PLXNB3: variants seen among roughly 807,000 people sequenced by gnomAD.
PLXNB3 encodes plexin B3, also known as plexin-B3.
In PLXNB3, 80 loss-of-function variants were observed where a neutral mutation model predicts 125.7. That is an observed-to-expected ratio of 0.64 (90% CI 0.53 to 0.77). The LOEUF is 0.77. PLXNB3 is among the 30% of genes least tolerant of loss of function. PLXNB3 has a pLI of 0.00. For synonymous variants in PLXNB3, 954 were observed against 783.3 expected (o/e 1.22, Z -3.64); for missense variants, 1,836 against 1,729.3 (o/e 1.06, Z -1.09).
intron 17 of PLXNB3, 90 bp downstream of exon 17, chrX:153,773,106 A>G: frequency 9.3e-7 from 1 of 1,072,416 alleles, no homozygotes; most frequent in Non-Finnish European, 1.2e-6. Flanking sequence ...TGCTGTGGCC[A>G]CCCCCAGTGG....
intron 7 of PLXNB3, 53 bp downstream of exon 7, chrX:153,769,992 G>T (rs971705857): frequency 2.5e-6 from 3 of 1,190,855 alleles, no homozygotes; most frequent in Non-Finnish European, 3.4e-6. Flanking sequence ...ACTGCCTGGA[G>T]CATGAACCCC....
chrX:153,767,527 T>C lies in PLXNB3; in HGVS notation c.700T>C (p.Tyr234His). 1.7e-6 allele frequency: 2 copies of C among 1,177,110 alleles called. No individual in the cohort carries two copies. The highest frequency in any genetic ancestry group is 2.3e-6 in the Non-Finnish European group (2 of 878,361). Residue 234 changes from tyrosine to histidine, a missense_variant, in exon 3 of 36, where the codon TAC becomes CAC. Physicochemically the swap from Tyr to His is moderately conservative, Grantham distance 83. Coordinates refer to ENST00000361971, the MANE Select transcript of PLXNB3 (RefSeq NM_005393.3). ...VGDFSDYNNSYVGAFADARSA... is the reference protein window; with the variant it reads ...VGDFSDYNNSHVGAFADARSA... ...CGACTTCTCCGACTACAACAACAGC[T>C]ACGTCGGGGCCTTTGCCGACGCCCG...
rs1557061866 is a variant in PLXNB3, at chrX:153,771,514, C to T, written c.2376C>T (p.His792=). Residue 792 remains histidine, a synonymous_variant, in exon 14 of 36, where the codon CAC becomes CAT. Coordinates refer to ENST00000361971, the MANE Select transcript of PLXNB3 (RefSeq NM_005393.3). ...TCCTGTACGACTGCGCCATGGGCCA[C>T]CCGGACTGCAGCCACTGCCAAGCGG... is the stretch of plus-strand genomic sequence containing the variant. The part of the protein sequence containing the change: ...YVILYDCAMG[H]PDCSHCQAAN... 1 of 1,205,821 alleles carries T rather than the reference C, an allele frequency of 8.3e-7. No homozygotes were observed. Among genetic ancestry groups the T allele is most frequent in the South Asian group, 1.8e-5 (1 of 56,151 alleles).
At chrX:153,769,641 G>A (rs1381892763) in intron 6 of PLXNB3, among the ~76,000 whole-genome samples, 166 bp from the exon 7 acceptor site, 1 of 112,974 alleles carries the variant, frequency 8.9e-6, no homozygotes, top group Admixed American at 9.3e-5. Flanking sequence ...TTGGCCATGA[G>A]GCCCTGCCTG....
At chrX:153,766,258 G>C (rs781914374) in intron 2 of PLXNB3, 4 of 1,166,347 alleles carry the variant, frequency 3.4e-6, no homozygotes, top group Non-Finnish European at 4.6e-6. Context: ...TGCTCAGCCC[G>C]CGGCTGCCTG....
In PLXNB3 at chrX:153,767,322, T is replaced by C. The variant is rs1557059606; in HGVS notation, c.495T>C (p.Ala165=). 8.3e-7 allele frequency: 1 copy of C among 1,205,431 alleles called. No homozygotes were observed. Among genetic ancestry groups the C allele is most frequent in the Non-Finnish European group, 1.1e-6 (1 of 892,638 alleles). ...ACCCTGGTGACGGGCAGTTTGTGGC[T>C]GCCAATACCCCGGGAGTGGCAACGG... ...AEDPGDGQFV[A]ANTPGVATVG... The change falls in exon 3 of 36, where the codon GCT becomes GCC. Residue 165 remains alanine, a synonymous_variant. Coordinates refer to ENST00000361971, the MANE Select transcript of PLXNB3 (RefSeq NM_005393.3).
Position 153,769,157 on chromosome X carries a change from T to C in PLXNB3, c.1396-5T>C. The C allele has an allele frequency of 8.4e-7, 1 of 1,193,691 alleles. No individual in the cohort carries two copies. Among genetic ancestry groups the C allele is most frequent in the Non-Finnish European group, 1.1e-6 (1 of 885,915 alleles). Reference sequence around the variant, plus strand: ...CATTGCCTCTCTGCTCTGCTGCCCCTCCAGGTGGACCGGATACCTGTGGCA... The same window carrying C: ...CATTGCCTCTCTGCTCTGCTGCCCCCCCAGGTGGACCGGATACCTGTGGCA... On this transcript the variant is annotated splice_region_variant and splice_polypyrimidine_tract_variant and intron_variant, in intron 5 of 35. Coordinates refer to ENST00000361971, the MANE Select transcript of PLXNB3 (RefSeq NM_005393.3).
chrX:153,777,748 C>T (rs2092012809), intron 31 of PLXNB3, 60 bp downstream of exon 31: 2 of 1,151,177 alleles, frequency 1.7e-6, no homozygotes, highest in Admixed American at 2.3e-5. Context: ...CCAGAGAGAC[C>T]AGGACATTCC....
At chrX:153,777,141 A>T in intron 29 of PLXNB3, 67 bp from the exon 30 acceptor site, 1 of 1,073,314 alleles carries the variant, frequency 9.3e-7, no homozygotes. Flanking sequence ...TTGTCGGGGG[A>T]GTGGACTGGG....
In PLXNB3 at chrX:153,771,977, C is replaced by T. The variant is rs1557062100; in HGVS notation, c.2631C>T (p.Pro877=). 3 of 1,206,405 alleles carry T rather than the reference C, an allele frequency of 2.5e-6. No individual in the cohort carries two copies. In the Admixed American group the frequency reaches 6.5e-5, roughly 26 times the overall value. ...VQYAVSVASR[P]CNPEPSLYRT... ...ACGCCGTGAGCGTGGCCAGCCGGCC[C>T]TGCAACCCTGAGCCCTCTCTCTACC... The change falls in exon 15 of 36, where the codon CCC becomes CCT. Residue 877 remains proline, a synonymous_variant. Transcript: ENST00000361971.
rs1557058945 is a variant in PLXNB3, at chrX:153,765,761, C to T, written c.45+181C>T. The T allele has an allele frequency of 2.5e-5, 19 of 753,204 alleles. No individual in the cohort carries two copies. In the South Asian group the frequency reaches 8.8e-4, roughly 35 times the overall value. 62.1% of individuals were successfully genotyped at this position (753,204 alleles called of 1,213,427 possible). A position where few individuals can be genotyped will look rare whatever the true frequency, so the allele number is the denominator to read the frequency against. ...TTCCTGCCTGTGTTCCTGAGATAAG[C>T]GGCTCCTGGGCCTTCCTCCAGGCGC... On this transcript the variant is annotated intron_variant, in intron 2 of 35. Transcript: ENST00000361971.
intron 12 of PLXNB3, 45 bp from the exon 13 acceptor site, chrX:153,771,265 G>A: frequency 9.5e-7 from 1 of 1,057,759 alleles, no homozygotes; most frequent in Non-Finnish European, 1.3e-6. Context: ...AGAGTCAGAG[G>A]TGCCCTGAGT....
rs201463747 is a variant in PLXNB3 at position 153,773,978 on chromosome X, C to T, written c.3399C>T (p.Phe1133=). ...CCCTAGACAACGTGCAAGTGGACTT[C>T]GCCAGTGCCAGTGGGGGCCAGGGCT... ...FFTLDNVQVD[F]ASASGGQGFL... Residue 1133 remains phenylalanine (F), a synonymous_variant, in exon 20 of 36, where the codon TTC becomes TTT. Coordinates refer to ENST00000361971, the MANE Select transcript of PLXNB3 (RefSeq NM_005393.3). The T allele has an allele frequency of 2.7e-4, 321 of 1,209,237 alleles. 1 individual carries two copies. Among genetic ancestry groups the T allele is most frequent in the Admixed American group, 2.2e-5 (1 of 45,958 alleles).
In PLXNB3 at chrX:153,770,796, G is replaced by T. The variant is rs781975103; in HGVS notation, c.2049G>T (p.Gln683His). 7 of 1,207,493 alleles carry T rather than the reference G, an allele frequency of 5.8e-6. No individual in the cohort carries two copies. The South Asian group carries it at 8.8e-5, about 15-fold the overall frequency. Residue 683 changes from glutamine (Q) to histidine (H), a missense_variant, in exon 11 of 36, where the codon CAG becomes CAT. By Grantham distance (24) the Gln-to-His change is conservative. Transcript: ENST00000361971. Reference protein sequence around the residue: ...IQVRGPGACPQVEGLAGPHLV... With the variant: ...IQVRGPGACPHVEGLAGPHLV... The stretch of plus-strand genomic sequence containing the variant: ...TGCGTGGCCCAGGGGCTTGCCCACA[G>T]GTCGAAGGCCTGGCAGGTCCCCACC...
rs900011026 is a variant in PLXNB3 at position 153,776,940 on chromosome X, C to A, written c.4887C>A (p.Thr1629=). ...GLVPQLHRGS[T]ISQSLAQRCP... ...TCCCTCAGCTGCACCGTGGCAGCAC[C>A]ATCTCCCAGAGCCTGGCCCAGAGGT... is the stretch of plus-strand genomic sequence containing the variant. The change falls in exon 29 of 36, where the codon ACC becomes ACA. Residue 1629 remains threonine, a synonymous_variant. Coordinates refer to ENST00000361971, the MANE Select transcript of PLXNB3 (RefSeq NM_005393.3). The A allele has an allele frequency of 4.8e-5, 58 of 1,197,872 alleles. No individual in the cohort carries two copies. The highest frequency in any genetic ancestry group is 6.2e-5 in the Non-Finnish European group (55 of 888,236).
chrX:153,766,732 ACTCT>A (rs1228504083), intron 2 of PLXNB3, 137 bp from the exon 3 acceptor site: 7 of 981,241 alleles, frequency 7.1e-6, no homozygotes, highest in South Asian at 2.9e-5. Context: ...GTCTCCGCTC[ACTCT>A]CTCTCATTCT....
Position 153,767,430 on chromosome X carries a change from AC to A in PLXNB3, c.607del (p.Leu203TrpfsTer98). 8.4e-7 allele frequency: 1 copy of A among 1,185,336 alleles called. No individual in the cohort carries two copies. The highest frequency in any genetic ancestry group is 1.1e-6 in the Non-Finnish European group (1 of 881,730). ...LAGKLSAGVP[P>X]LAIRQLAGSQ... is the part of the protein sequence containing the mutation. ...CGGGCAAGCTGTCGGCAGGGGTGCC[AC>A]CCCTGGCCATCCGCCAGCTGGCCGG... On this transcript the variant is annotated frameshift_variant, in exon 3 of 36. Coordinates refer to ENST00000361971, the MANE Select transcript of PLXNB3 (RefSeq NM_005393.3). LOFTEE classifies it high-confidence loss of function.
rs1484203168 is a variant in PLXNB3, at chrX:153,769,192, C to A, written c.1426C>A (p.Gln476Lys). The change falls in exon 6 of 36, where the codon CAG becomes AAG. Residue 476 changes from glutamine to lysine, a missense_variant. By Grantham distance (53) the Gln-to-Lys change is moderately conservative. Coordinates refer to ENST00000361971, the MANE Select transcript of PLXNB3 (RefSeq NM_005393.3). ...CCGGATACCTGTGGCAGCCTGCCCC[C>A]AGTTCCCTGACTGTGCCAGCTGCCT... is the stretch of plus-strand genomic sequence containing the variant. ...VDRIPVAACP[Q>K]FPDCASCLQA... 1.7e-6 allele frequency: 2 copies of A among 1,183,344 alleles called. No individual in the cohort carries two copies. The highest frequency in any genetic ancestry group is 1.8e-5 in the African/African-American group (1 of 56,838).
intron 3 of PLXNB3, 61 bp downstream of exon 3, chrX:153,767,974 A>C: frequency 9.6e-7 from 1 of 1,037,209 alleles, no homozygotes; most frequent in Non-Finnish European, 1.3e-6. Flanking sequence ...TCAGCACTGG[A>C]CAGGGGTGCC....
Sources: allele counts gnomAD v4.1 joint callset (sites outside exome capture counted in the v4.1 genomes callset), GRCh38; gene constraint gnomAD v4.1.1; transcripts MANE v1.5; gene names NCBI Gene and HGNC (gene_info 2026-07-23, HGNC 2026-07-21).